Variants in PRAMEF15 observed in about 807,000 individuals in gnomAD.
The protein encoded by PRAMEF15 is PRAME family member 15.
In PRAMEF15, 21 loss-of-function variants were observed where a neutral mutation model predicts 35.3. The ratio of observed to expected loss-of-function variants is 0.59; its 90% CI spans 0.42 to 0.86. The LOEUF (loss-of-function observed/expected upper bound fraction) is 0.86. Among genes scored for constraint, PRAMEF15 ranks in the 40% least tolerant of loss-of-function variants. PRAMEF15 has a pLI of 0.00. For missense variants in PRAMEF15, 360 were observed against 574.1 expected, an observed-to-expected ratio of 0.63 and a Z score of 3.81; for synonymous variants, 122 against 223.3, an observed-to-expected ratio of 0.55 and a Z score of 4.05.
At position 13,319,912 on chromosome 1, in the gene PRAMEF15, C is replaced by G; in HGVS notation, c.834C>G (p.Asn278Lys). ...KLRCLQKLYM[N>K]SVSFLEGHLD... is the part of the protein sequence containing the mutation. Reference sequence around the variant, plus strand: ...GCTGCCTCCAAAAGCTTTATATGAACTCTGTTTCTTTCCTCGAAGGCCACC... The same window carrying G: ...GCTGCCTCCAAAAGCTTTATATGAAGTCTGTTTCTTTCCTCGAAGGCCACC... Residue 278 changes from asparagine (N) to lysine (K), a missense_variant, in exon 3 of 4, where the codon AAC becomes AAG. Asn to Lys is a moderately conservative substitution (Grantham distance 94). Coordinates refer to ENST00000376152, the MANE Select transcript of PRAMEF15 (RefSeq NM_001098376.3). 1 of 1,609,772 alleles carries G rather than the reference C, an allele frequency of 6.2e-7. No homozygotes were observed. The highest frequency in any genetic ancestry group is 8.5e-7 in the Non-Finnish European group (1 of 1,179,804).
intron 1 of PRAMEF15, among the ~76,000 whole-genome samples, chr1:13,318,137 T>A (rs1640030720): frequency 6.6e-6 from 1 of 152,012 alleles, no homozygotes; most frequent in Non-Finnish European, 1.5e-5. Flanking sequence ...CCATACTCAC[T>A]AGTCACTGGA....
chr1:13,320,688 T>G (rs1341360133), intron 3 of PRAMEF15, among the ~76,000 whole-genome samples: 1,649 of 145,166 alleles, frequency 0.011, no homozygotes, highest in East Asian at 0.047. Context: ...ACTCCCAAAG[T>G]GCTGGGATTA....
At chr1:13,315,922 G>A (rs1156935649) in intron 1 of PRAMEF15, among the ~76,000 whole-genome samples, 2 of 151,854 alleles carry the variant, frequency 1.3e-5, no homozygotes, top group African/African-American at 4.8e-5. Flanking sequence ...CACTTTGGGA[G>A]GCCAAAGTGG....
intron 1 of PRAMEF15, among the ~76,000 whole-genome samples, chr1:13,317,285 G>C (rs1340671811): frequency 6.6e-6 from 1 of 151,800 alleles, no homozygotes; most frequent in South Asian, 2.1e-4. Flanking sequence ...GGCCAGGCTC[G>C]TCTTGAATTC....
intron 1 of PRAMEF15, among the ~76,000 whole-genome samples, chr1:13,317,369 C>T (rs1359102735): frequency 1.3e-5 from 2 of 151,744 alleles, no homozygotes; most frequent in East Asian, 4.0e-4. Context: ...TGCACCCAGC[C>T]AAAATGGTTC....
In PRAMEF15 at chr1:13,319,409, T is replaced by G; in HGVS notation, c.331T>G (p.Cys111Gly). 1 of 1,612,192 alleles carries G rather than the reference T, an allele frequency of 6.2e-7. No homozygotes were observed. Among genetic ancestry groups the G allele is most frequent in the Non-Finnish European group, 8.5e-7 (1 of 1,179,840 alleles). Residue 111 changes from cysteine to glycine, a missense_variant, in exon 3 of 4, where the codon TGT becomes GGT. By Grantham distance (159) the Cys-to-Gly change is radical. Coordinates refer to ENST00000376152, the MANE Select transcript of PRAMEF15 (RefSeq NM_001098376.3). ...KLQVLDLQDVCENFWMVWSEA... is the reference protein window; with the variant it reads ...KLQVLDLQDVGENFWMVWSEA... ...CCAAGTGCTGGATTTACAGGATGTC[T>G]GTGAGAACTTCTGGATGGTTTGGTC...
chr1:13,317,795 G>C, intron 1 of PRAMEF15, among the ~76,000 whole-genome samples: 1 of 146,650 alleles, frequency 6.8e-6, no homozygotes, highest in South Asian at 2.1e-4. Context: ...GAGAGGGAGA[G>C]AGAGAAAGAG....
At chr1:13,316,628 T>A (rs78360166) in intron 1 of PRAMEF15, among the ~76,000 whole-genome samples, 1 of 151,748 alleles carries the variant, frequency 6.6e-6, no homozygotes, top group African/African-American at 2.4e-5. Flanking sequence ...GCATTCCAGC[T>A]TGGGCGACGA....
chr1:13,318,321 A>T (rs1304830110), intron 1 of PRAMEF15, 71 bp from the exon 2 acceptor site: 24 of 1,589,730 alleles, frequency 1.5e-5, no homozygotes, highest in Non-Finnish European at 1.9e-5. Context: ...GAGTTTGGCC[A>T]TAGGAGAAGA....
rs1640090426 is a variant in PRAMEF15, at chr1:13,322,000, C to T, written c.1173C>T (p.Pro391=). The part of the protein sequence containing the change: ...ELNTFSFCGN[P]ICMATLENLL... ...ACACCTTCAGCTTCTGTGGAAATCC[C>T]ATCTGCATGGCCACCCTGGAGAACC... Residue 391 remains proline, a synonymous_variant, in exon 4 of 4, where the codon CCC becomes CCT. Coordinates refer to ENST00000376152, the MANE Select transcript of PRAMEF15 (RefSeq NM_001098376.3). 1.9e-6 allele frequency: 3 copies of T among 1,609,842 alleles called. No individual in the cohort carries two copies. The Admixed American group carries it at 5.0e-5, about 27-fold the overall frequency.
At chr1:13,317,701 G>A (rs1327253331) in intron 1 of PRAMEF15, among the ~76,000 whole-genome samples, 1 of 151,582 alleles carries the variant, frequency 6.6e-6, no homozygotes, top group African/African-American at 2.4e-5. Context: ...CCTTTGAGCT[G>A]GGAGGTCAAG....
chr1:13,321,823 C>T lies in PRAMEF15; in HGVS notation c.996C>T (p.Gly332=). The T allele has an allele frequency of 1.2e-6, 2 of 1,608,098 alleles. No homozygotes were observed. Among genetic ancestry groups the T allele is most frequent in the South Asian group, 1.1e-5 (1 of 90,744 alleles). The change falls in exon 4 of 4, where the codon GGC becomes GGT. Residue 332 remains glycine, a synonymous_variant. Transcript: ENST00000376152. Reference sequence around the variant, plus strand: ...AACTAAAGACCCTGGACCTGAGTGGCATCAGACTGACCAATTATAGTCTTG... The same window carrying T: ...AACTAAAGACCCTGGACCTGAGTGGTATCAGACTGACCAATTATAGTCTTG... ...ISQLKTLDLS[G]IRLTNYSLVP...
rs1640099638 is a variant in PRAMEF15 at position 13,322,536 on chromosome 1, G to A, written c.*272G>A. The A allele has an allele frequency of 3.7e-6, 2 of 543,452 alleles. No homozygotes were observed. Among genetic ancestry groups the A allele is most frequent in the African/African-American group, 1.9e-5 (1 of 52,496 alleles). The allele number at this position is 543,452 out of a possible 1,614,324, so 33.7% of individuals were successfully genotyped here. A position where few individuals can be genotyped will look rare whatever the true frequency, so the allele number is the denominator to read the frequency against. On this transcript the variant is annotated 3_prime_UTR_variant, in exon 4 of 4. Transcript: ENST00000376152. ...GAATTCAGGCTTGAGAATACATGAG[G>A]GAGTTACTCTTGCATGGATGGTTGT...
chr1:13,321,920 A>G lies in PRAMEF15; in HGVS notation c.1093A>G (p.Ile365Val). Residue 365 changes from isoleucine (I) to valine (V), a missense_variant, in exon 4 of 4, where the codon ATA (isoleucine) becomes GTA (valine). By Grantham distance (29) the Ile-to-Val change is conservative. Coordinates refer to ENST00000376152, the MANE Select transcript of PRAMEF15 (RefSeq NM_001098376.3). Reference protein sequence around the residue: ...EYLDLDDCGIIDSQVNAILPA... With the variant: ...EYLDLDDCGIVDSQVNAILPA... ...CCTGGATTTAGATGACTGTGGCATC[A>G]TAGACTCCCAAGTCAACGCCATCCT... The G allele has an allele frequency of 6.2e-7, 1 of 1,611,182 alleles. No individual in the cohort carries two copies. Among genetic ancestry groups the G allele is most frequent in the Non-Finnish European group, 8.5e-7 (1 of 1,179,660 alleles).
At chr1:13,320,952 G>C (rs1487430498) in intron 3 of PRAMEF15, among the ~76,000 whole-genome samples, 7 of 152,102 alleles carry the variant, frequency 4.6e-5, no homozygotes, top group South Asian at 4.2e-4. Context: ...TCAGGGAGCA[G>C]GCACAAAGAA....
Position 13,319,381 on chromosome 1 carries a change from A to G in PRAMEF15, c.303A>G (p.Lys101=). ...LTQGVRPRRW[K]LQVLDLQDVC... ...CTCTATTTTGCCACAGGAGGTGGAA[A>G]CTCCAAGTGCTGGATTTACAGGATG... The change falls in exon 3 of 4, where the codon AAA becomes AAG. Residue 101 remains lysine (K), a synonymous_variant. Transcript: ENST00000376152. 2 of 1,610,800 alleles carry G rather than the reference A, an allele frequency of 1.2e-6. No homozygotes were observed. The highest frequency in any genetic ancestry group is 1.7e-5 in the Admixed American group (1 of 59,902).
At chr1:13,320,224 C>A (rs1211804563) in intron 3 of PRAMEF15, among the ~76,000 whole-genome samples, 1 of 152,074 alleles carries the variant, frequency 6.6e-6, no homozygotes, top group South Asian at 2.1e-4. Context: ...AGTGAGGGTG[C>A]CTTTCTGAAT....
chr1:13,321,631 GA>G (rs2100326369), intron 3 of PRAMEF15, 71 bp from the exon 4 acceptor site: 1 of 1,494,614 alleles, frequency 6.7e-7, no homozygotes, highest in South Asian at 1.1e-5. Context: ...CCATTACCTT[GA>G]AGCCATTCCC....
At position 13,322,149 on chromosome 1, in the gene PRAMEF15, T is replaced by G; in HGVS notation, c.1322T>G (p.Met441Arg). Residue 441 changes from methionine to arginine, a missense_variant, in exon 4 of 4, where the codon ATG becomes AGG. Around this residue, in one of 8 missense-constraint regions of PRAMEF15, gnomAD observed 147 missense variants for 123.5 expected, o/e 1.19. Transcript: ENST00000376152. The part of the protein sequence containing the change: ...SRFAQIRAEL[M>R]NRVRDLRHPK... ...TTTGCTCAAATTAGGGCTGAGCTGA[T>G]GAACAGAGTGAGGGACTTAAGGCAC... is the stretch of plus-strand genomic sequence containing the variant. 1 of 1,609,410 alleles carries G rather than the reference T, an allele frequency of 6.2e-7. No individual in the cohort carries two copies. The highest frequency in any genetic ancestry group is 2.3e-5 in the East Asian group (1 of 44,332).
Sources: allele counts gnomAD v4.1 joint callset (sites outside exome capture counted in the v4.1 genomes callset), GRCh38; gene constraint gnomAD v4.1.1; regional missense constraint gnomAD v4.1.1; transcripts MANE v1.5; gene names NCBI Gene and HGNC (gene_info 2026-07-23, HGNC 2026-07-21).